SEMA3A: variants seen among roughly 807,000 people sequenced by gnomAD.
The protein encoded by SEMA3A is semaphorin 3A.
SEMA3A carries 29 observed loss-of-function variants against 97.9 expected under a neutral mutation model. The ratio of observed to expected loss-of-function variants is 0.30; its 90% CI spans 0.22 to 0.40. The LOEUF (loss-of-function observed/expected upper bound fraction) is 0.40, where lower values mean the gene tolerates loss of function less well. Ranked by LOEUF, SEMA3A falls within the 10% of genes least tolerant of loss-of-function variation. The pLI, the probability that SEMA3A is intolerant of heterozygous loss-of-function variation, is 1.00. For synonymous variants in SEMA3A, 321 were observed against 323.7 expected, an observed-to-expected ratio of 0.99 and a Z score of 0.09; for missense variants, 763 against 951.3, an observed-to-expected ratio of 0.80 and a Z score of 2.60.
intron 3 of SEMA3A, among the ~76,000 whole-genome samples, chr7:84,303,042 A>C (rs1156846386): frequency 6.6e-6 from 1 of 152,208 alleles, no homozygotes; most frequent in Non-Finnish European, 1.5e-5. Context: ...ACTCCATCTG[A>C]ATTTGAAGTT....
chr7:83,989,124 T>G (rs1217795291), intron 12 of SEMA3A, among the ~76,000 whole-genome samples: 2 of 152,158 alleles, frequency 1.3e-5, no homozygotes, highest in Non-Finnish European at 2.9e-5. Flanking sequence ...AGGAGCTTAT[T>G]TCATGAAGGT....
intron 2 of SEMA3A, among the ~76,000 whole-genome samples, chr7:84,319,191 T>C (rs373851694): frequency 6.6e-6 from 1 of 152,156 alleles, no homozygotes; most frequent in Non-Finnish European, 1.5e-5. Context: ...TAGAAAATTA[T>C]TCGACCTGAT....
chr7:84,056,275 C>T (rs1371452426), intron 5 of SEMA3A, among the ~76,000 whole-genome samples: 2 of 152,066 alleles, frequency 1.3e-5, no homozygotes, highest in Admixed American at 6.6e-5. Context: ...CTGAGAAGTA[C>T]GTATTAAAAA....
At chr7:84,218,922 C>T (rs948867203) in intron 3 of SEMA3A, among the ~76,000 whole-genome samples, 30 of 151,942 alleles carry the variant, frequency 2.0e-4, no homozygotes, top group Admixed American at 2.6e-4. Flanking sequence ...AGGAAATTGA[C>T]GACTCAATCC....
intron 6 of SEMA3A, among the ~76,000 whole-genome samples, chr7:84,039,677 G>C (rs1024589402): frequency 6.6e-6 from 1 of 152,002 alleles, no homozygotes. Flanking sequence ...GAACAGGAGA[G>C]TATTGTGATA....
At chr7:84,130,362 A>G (rs1411062518) in intron 2 of SEMA3A, among the ~76,000 whole-genome samples, 1 of 152,130 alleles carries the variant, frequency 6.6e-6, no homozygotes, top group Non-Finnish European at 1.5e-5. Flanking sequence ...TTTGGCACAT[A>G]TTGAAGTAGT....
chr7:84,061,087 G>C (rs1189066158), intron 4 of SEMA3A, among the ~76,000 whole-genome samples: 1 of 152,128 alleles, frequency 6.6e-6, no homozygotes, highest in African/African-American at 2.4e-5. Flanking sequence ...GTGGCTACGT[G>C]CTTCTTGTGT....
intron 5 of SEMA3A, among the ~76,000 whole-genome samples, chr7:84,052,336 A>G (rs542078038): frequency 3.4e-3 from 508 of 151,546 alleles, no homozygotes; most frequent in African/African-American, 0.011. Context: ...GAATCCATCT[A>G]GTCCTGCACT....
chr7:83,963,299 T>C lies in SEMA3A; in HGVS notation c.1766A>G (p.Glu589Gly), dbSNP rs1584482236. 1 of 1,613,810 alleles carries C rather than the reference T, an allele frequency of 6.2e-7. No individual in the cohort carries two copies. Residue 589 changes from glutamate (E) to glycine (G), a missense_variant, in exon 16 of 17, where the codon GAG becomes GGG. By Grantham distance (98) the Glu-to-Gly change is moderately conservative. Around this residue, in one of 2 missense-constraint regions of SEMA3A, gnomAD observed 678 missense variants for 881.3 expected, o/e 0.77. Coordinates refer to ENST00000265362, the MANE Select transcript of SEMA3A (RefSeq NM_006080.3). ...SPEERIIYGV[E>G]NSSTFLECSP... Reference sequence around the variant, plus strand: ...GCATTCCAAAAATGTGCTACTATTCTCTACACCATAGATGATTCTCTCTTC... The same window carrying C: ...GCATTCCAAAAATGTGCTACTATTCCCTACACCATAGATGATTCTCTCTTC...
chr7:84,298,959 A>T (rs1800931472), intron 3 of SEMA3A, among the ~76,000 whole-genome samples: 1 of 152,044 alleles, frequency 6.6e-6, no homozygotes, highest in Non-Finnish European at 1.5e-5. Flanking sequence ...AATGGGCTAG[A>T]TGCTTCCTGC....
At chr7:84,181,384 T>A (rs1433582891) in intron 1 of SEMA3A, among the ~76,000 whole-genome samples, 1 of 148,410 alleles carries the variant, frequency 6.7e-6, no homozygotes, top group African/African-American at 2.5e-5. Flanking sequence ...CAGGAAAAAA[T>A]TGATATCATG....
chr7:83,985,396 A>C, intron 13 of SEMA3A, 40 bp downstream of exon 13: 1 of 1,451,864 alleles, frequency 6.9e-7, no homozygotes, highest in African/African-American at 1.4e-5. Context: ...CAGAATTAAC[A>C]AAATATTGGA....
Position 84,023,564 on chromosome 7 carries a change from C to T in SEMA3A, c.668-9213G>A, listed in dbSNP as rs144314727. 4.6e-3 allele frequency among the ~76,000 whole-genome samples: 702 copies of T among 152,242 alleles called. 4 individuals carry two copies. Among genetic ancestry groups the T allele is most frequent in the East Asian group, 0.016 (82 of 5,174 alleles). On this transcript the variant is annotated intron_variant, in intron 6 of 16. Coordinates refer to ENST00000265362, the MANE Select transcript of SEMA3A (RefSeq NM_006080.3). Reference sequence around the variant, plus strand: ...GCGAGGCCTAGTTAATTTCATAACACGAACCACTCAGCCAATCCTCTTGTA... The same window carrying T: ...GCGAGGCCTAGTTAATTTCATAACATGAACCACTCAGCCAATCCTCTTGTA...
At chr7:84,181,095 C>G (rs1797722842) in intron 1 of SEMA3A, among the ~76,000 whole-genome samples, 1 of 151,984 alleles carries the variant, frequency 6.6e-6, no homozygotes, top group South Asian at 2.1e-4. Flanking sequence ...GGTTAAATAT[C>G]TGCCAGTGAT....
At chr7:84,034,799 C>G (rs1340543270) in intron 6 of SEMA3A, among the ~76,000 whole-genome samples, 4 of 151,504 alleles carry the variant, frequency 2.6e-5, no homozygotes, top group Non-Finnish European at 4.4e-5. Context: ...CTTTTTTTTC[C>G]CCTTATTTGA....
At chr7:84,399,737 T>G (rs189814394) in intron 1 of SEMA3A, among the ~76,000 whole-genome samples, 1 of 152,270 alleles carries the variant, frequency 6.6e-6, no homozygotes, top group Admixed American at 6.5e-5. Flanking sequence ...AGGTGCTGGT[T>G]AAAATGGCCT....
At chr7:84,143,949 TAACACA>T (rs1244599935) in intron 1 of SEMA3A, among the ~76,000 whole-genome samples, 148 of 40,444 alleles carry the variant, frequency 3.7e-3, no homozygotes, top group African/African-American at 7.6e-3. Context: ...TCTCTCTCTC[TAACACA>T]CACACACACA....
intron 5 of SEMA3A, among the ~76,000 whole-genome samples, chr7:84,056,278 A>G (rs549230135): frequency 6.6e-6 from 1 of 152,346 alleles, no homozygotes; most frequent in East Asian, 1.9e-4. Context: ...AGAAGTACGT[A>G]TTAAAAACAA....
intron 1 of SEMA3A, among the ~76,000 whole-genome samples, chr7:84,380,924 CT>C (rs1401347692): frequency 3.3e-5 from 5 of 152,170 alleles, no homozygotes; most frequent in African/African-American, 1.2e-4. Flanking sequence ...ATTAGACAGG[CT>C]TTACCTGGAT....
Sources: gnomAD v4.1 joint callset for allele counts (sites outside exome capture counted in the v4.1 genomes callset) on GRCh38, gnomAD v4.1.1 for gene constraint, gnomAD v4.1.1 regional missense constraint, MANE v1.5 for transcripts, NCBI Gene and HGNC (gene_info 2026-07-23, HGNC 2026-07-21) for gene names.